The following SOS1 variants were observed in gnomAD, a reference collection of about 807,000 sequenced individuals.
SOS1 encodes SOS Ras/Rac guanine nucleotide exchange factor 1.
A neutral mutation model predicts 157.6 loss-of-function variants in SOS1; 25 were observed. The observed-to-expected ratio is 0.16, with a 90% CI of 0.12 to 0.22. The LOEUF (loss-of-function observed/expected upper bound fraction) is 0.22. Ranked by LOEUF, SOS1 falls within the 10% of genes least tolerant of loss-of-function variation. SOS1 has a pLI of 1.00. For synonymous variants in SOS1, 528 were observed against 534.0 expected, an observed-to-expected ratio of 0.99 and a Z score of 0.16; for missense variants, 1,237 against 1,599.1, an observed-to-expected ratio of 0.77 and a Z score of 3.86.
intron 1 of SOS1, among the ~76,000 whole-genome samples, chr2:39,110,428 C>T (rs1185937101): frequency 7.2e-6 from 1 of 139,738 alleles, no homozygotes; most frequent in East Asian, 2.1e-4. Flanking sequence ...TATACATACA[C>T]ACGAATCATG....
intron 8 of SOS1, among the ~76,000 whole-genome samples, chr2:39,033,392 T>A (rs1387580921): frequency 6.6e-6 from 1 of 152,188 alleles, no homozygotes; most frequent in Non-Finnish European, 1.5e-5. Flanking sequence ...ATTAAAATTC[T>A]ATTAATGTAA....
chr2:39,113,213 CA>C (rs1444224946), intron 1 of SOS1, among the ~76,000 whole-genome samples: 1 of 152,116 alleles, frequency 6.6e-6, no homozygotes, highest in Non-Finnish European at 1.5e-5. Flanking sequence ...TATTTAGAGA[CA>C]CAGTCTCACT....
intron 8 of SOS1, among the ~76,000 whole-genome samples, chr2:39,033,621 G>C (rs1168883874): frequency 1.4e-4 from 22 of 151,976 alleles, no homozygotes. Context: ...CTGCAGCCTC[G>C]ACCTCCTGAG....
chr2:39,011,973 G>C (rs546569568), intron 14 of SOS1, among the ~76,000 whole-genome samples, 153 bp downstream of exon 14: 93 of 152,258 alleles, frequency 6.1e-4, no homozygotes, highest in African/African-American at 2.1e-3. Flanking sequence ...GGGAGTAAAA[G>C]AACAGGAACT....
intron 1 of SOS1, among the ~76,000 whole-genome samples, chr2:39,104,571 A>G (rs1673095083): frequency 6.6e-6 from 1 of 152,244 alleles, no homozygotes; most frequent in South Asian, 2.1e-4. Context: ...AGCTAACCAC[A>G]GCGAATTACA....
intron 1 of SOS1, among the ~76,000 whole-genome samples, chr2:39,101,524 C>T (rs1421618145): frequency 6.6e-6 from 1 of 151,878 alleles, no homozygotes; most frequent in Non-Finnish European, 1.5e-5. Flanking sequence ...TTATAGGCAC[C>T]CATCCTAACT....
At chr2:39,013,167 C>G (rs575525070) in intron 13 of SOS1, among the ~76,000 whole-genome samples, 1 of 152,204 alleles carries the variant, frequency 6.6e-6, no homozygotes, top group East Asian at 1.9e-4. Context: ...AATGGCACAA[C>G]GTAATTCCCA....
intron 17 of SOS1, among the ~76,000 whole-genome samples, chr2:39,005,759 T>C (rs748263851): frequency 5.3e-5 from 8 of 151,914 alleles, no homozygotes; most frequent in East Asian, 3.9e-4. Context: ...AAAGAGACTA[T>C]AGAGAGATCA....
chr2:39,081,620 T>C (rs758293700), intron 1 of SOS1, among the ~76,000 whole-genome samples: 4 of 151,694 alleles, frequency 2.6e-5, no homozygotes, highest in Non-Finnish European at 4.4e-5. Context: ...AGGTTAAGAG[T>C]TCGAGACCAG....
At chr2:39,046,196 A>T (rs1670777577) in intron 6 of SOS1, among the ~76,000 whole-genome samples, 1 of 152,082 alleles carries the variant, frequency 6.6e-6, no homozygotes, top group African/African-American at 2.4e-5. Flanking sequence ...AAATTACTAT[A>T]GTTCCTTTTT....
intron 6 of SOS1, among the ~76,000 whole-genome samples, chr2:39,035,786 G>A (rs968435331): frequency 3.3e-5 from 5 of 152,124 alleles, no homozygotes; most frequent in African/African-American, 1.2e-4. Flanking sequence ...ATAAGAGTGG[G>A]CAGACTTTTG....
chr2:39,095,474 C>A (rs932761178), intron 1 of SOS1, among the ~76,000 whole-genome samples: 1 of 152,128 alleles, frequency 6.6e-6, no homozygotes, highest in Non-Finnish European at 1.5e-5. Flanking sequence ...CCTAGGTTAT[C>A]AAGAGAACTA....
intron 1 of SOS1, among the ~76,000 whole-genome samples, chr2:39,081,810 T>C (rs1280803231): frequency 1.3e-5 from 2 of 151,790 alleles, no homozygotes; most frequent in Non-Finnish European, 2.9e-5. Context: ...AGCAAGACTC[T>C]GTCTCAAAAA....
At chr2:39,123,239 T>G (rs1255968888), upstream of SOS1, among the ~76,000 whole-genome samples, 1 of 152,212 alleles carries the variant, frequency 6.6e-6, no homozygotes, top group African/African-American at 2.4e-5. Flanking sequence ...TATTTCTACC[T>G]TATGTTCTTT....
At chr2:39,081,033 T>A (rs1389420967) in intron 1 of SOS1, among the ~76,000 whole-genome samples, 9 of 149,006 alleles carry the variant, frequency 6.0e-5, no homozygotes, top group Non-Finnish European at 1.0e-4. Flanking sequence ...AAAAAAAAAA[T>A]AATAAAAAAA....
intron 1 of SOS1, among the ~76,000 whole-genome samples, chr2:39,119,923 G>A (rs949899870): frequency 2.0e-5 from 3 of 152,142 alleles, no homozygotes; most frequent in Non-Finnish European, 4.4e-5. Context: ...TTACGGCCAG[G>A]GCATTCTCAA....
intron 15 of SOS1, among the ~76,000 whole-genome samples, chr2:39,009,216 T>C (rs1669380944): frequency 6.6e-6 from 1 of 150,894 alleles, no homozygotes; most frequent in Non-Finnish European, 1.5e-5. Context: ...ATAACTGAAA[T>C]AAAAAACTTA....
chr2:39,106,732 T>C (rs1673205106), intron 1 of SOS1, among the ~76,000 whole-genome samples: 1 of 152,176 alleles, frequency 6.6e-6, no homozygotes, highest in African/African-American at 2.4e-5. Context: ...TTCTGAGGAA[T>C]TTCATTCACT....
chr2:38,996,558 G>GGTT (rs1668900759), intron 19 of SOS1, among the ~76,000 whole-genome samples: 1 of 152,194 alleles, frequency 6.6e-6, no homozygotes, highest in East Asian at 1.9e-4. Context: ...CATGATTCAT[G>GGTT]GTTGAAAGTT....
Sources: gnomAD v4.1 joint callset for allele counts (sites outside exome capture counted in the v4.1 genomes callset) on GRCh38, gnomAD v4.1.1 for gene constraint, MANE v1.5 for transcripts, NCBI Gene and HGNC (gene_info 2026-07-23, HGNC 2026-07-21) for gene names.